The following RANBP17 variants were observed in gnomAD, a reference collection of about 807,000 sequenced individuals.
The protein encoded by RANBP17 is ran-binding protein 17.
In RANBP17, 158 loss-of-function variants were observed where a neutral mutation model predicts 141.2. That is an observed-to-expected ratio of 1.12 (90% CI 0.98 to 1.28). The LOEUF (loss-of-function observed/expected upper bound fraction) is 1.28. RANBP17 is among the 50% of genes most tolerant of loss of function. The pLI, the probability that RANBP17 is intolerant of heterozygous loss-of-function variation, is 0.00. For missense variants in RANBP17, 1,438 were observed against 1,290.7 expected (o/e 1.11, Z -1.75); for synonymous variants, 430 against 450.0 (o/e 0.96, Z 0.56).
At chr5:171,118,821 T>G (rs1755820963) in intron 14 of RANBP17, among the ~76,000 whole-genome samples, 1 of 152,192 alleles carries the variant, frequency 6.6e-6, no homozygotes, top group Non-Finnish European at 1.5e-5. Context: ...AAATGTTTTT[T>G]GGTAGAGTCT....
chr5:171,253,310 A>G (rs1254032523), intron 24 of RANBP17, among the ~76,000 whole-genome samples: 1 of 152,220 alleles, frequency 6.6e-6, no homozygotes, highest in Non-Finnish European at 1.5e-5. Flanking sequence ...AATGCCATGA[A>G]TTCCTTGGGG....
chr5:170,897,539 C>T (rs2127394962), intron 5 of RANBP17, among the ~76,000 whole-genome samples: 1 of 151,978 alleles, frequency 6.6e-6, no homozygotes. Context: ...TAGGTATTTC[C>T]CCTAATGCTA....
intron 24 of RANBP17, among the ~76,000 whole-genome samples, chr5:171,254,648 A>G (rs903665913): frequency 1.3e-5 from 2 of 152,192 alleles, no homozygotes; most frequent in Admixed American, 6.5e-5. Context: ...ATATGTACAT[A>G]ATATATGTAA....
chr5:171,088,540 TAA>T (rs1785897667), intron 14 of RANBP17, among the ~76,000 whole-genome samples: 1 of 152,214 alleles, frequency 6.6e-6, no homozygotes, highest in Non-Finnish European at 1.5e-5. Context: ...TTCTCCTGGA[TAA>T]TATCCTGCAG....
chr5:171,093,116 C>G (rs566729616), intron 14 of RANBP17, among the ~76,000 whole-genome samples: 1 of 151,518 alleles, frequency 6.6e-6, no homozygotes, highest in Admixed American at 6.6e-5. Context: ...AGGCTAAGGC[C>G]GGAGAATTGC....
chr5:171,183,450 C>T lies in RANBP17; in HGVS notation c.2038+20C>T. On this transcript the variant is annotated intron_variant, in intron 18 of 27. Transcript: ENST00000523189. The stretch of plus-strand genomic sequence containing the variant: ...ATCTGGGTAAGGTTAAGAATTTAAA[C>T]TCAATTAATAAGGGATCAGCAATAC... 2.0e-6 allele frequency: 3 copies of T among 1,518,644 alleles called. No individual in the cohort carries two copies. Among genetic ancestry groups the T allele is most frequent in the Non-Finnish European group, 1.8e-6 (2 of 1,093,258 alleles). The allele number at this position is 1,518,644 out of a possible 1,614,324, so 94.1% of individuals were successfully genotyped here. A position where few individuals can be genotyped will look rare whatever the true frequency, so the allele number is the denominator to read the frequency against.
At chr5:171,074,564 T>C (rs918101604) in intron 14 of RANBP17, among the ~76,000 whole-genome samples, 5 of 152,204 alleles carry the variant, frequency 3.3e-5, no homozygotes, top group Non-Finnish European at 7.3e-5. Flanking sequence ...CAATAGAGGA[T>C]ATCTGGGAAC....
chr5:171,168,455 G>A (rs757488023), intron 14 of RANBP17, among the ~76,000 whole-genome samples: 1 of 152,112 alleles, frequency 6.6e-6, no homozygotes, highest in African/African-American at 2.4e-5. Flanking sequence ...TGCTTTGTGT[G>A]CCATTAATCA....
rs779505022 is a variant in RANBP17, at chr5:170,968,285, T to A, written c.1618T>A (p.Cys540Ser). The A allele has an allele frequency of 1.9e-6, 3 of 1,606,870 alleles. No homozygotes were observed. Among genetic ancestry groups the A allele is most frequent in the Non-Finnish European group, 1.7e-6 (2 of 1,177,010 alleles). The stretch of plus-strand genomic sequence containing the variant: ...TTTAATGGATACCGGATTGCCTCGA[T>A]GTTGTAATGAGAAAATAGAGCTTGC... ...ISLMDTGLPR[C>S]CNEKIELAIL... The change falls in exon 14 of 28, where the codon TGT (cysteine) becomes AGT (serine). Residue 540 changes from cysteine to serine, a missense_variant. By Grantham distance (112) the Cys-to-Ser change is moderately radical (BLOSUM62 -1). Transcript: ENST00000523189.
intron 16 of RANBP17, among the ~76,000 whole-genome samples, chr5:171,180,581 A>G (rs1336277466): frequency 1.3e-5 from 2 of 152,228 alleles, no homozygotes; most frequent in Non-Finnish European, 1.5e-5. Flanking sequence ...GAATAAGATC[A>G]GAGTGTAAAG....
At chr5:171,009,764 A>G (rs1269672748) in intron 14 of RANBP17, among the ~76,000 whole-genome samples, 1 of 152,176 alleles carries the variant, frequency 6.6e-6, no homozygotes, top group African/African-American at 2.4e-5. Context: ...AAACACTTGT[A>G]TCAAGTAACC....
chr5:171,258,156 CACA>C (rs200675197), intron 24 of RANBP17, among the ~76,000 whole-genome samples: 14 of 149,514 alleles, frequency 9.4e-5, no homozygotes, highest in East Asian at 3.9e-4. Flanking sequence ...CACACACACA[CACA>C]CCCCTAGGAA....
chr5:171,295,461 G>A lies in RANBP17; in HGVS notation c.3043-426G>A, dbSNP rs558369522. On this transcript the variant is annotated intron_variant, in intron 26 of 27. Coordinates refer to ENST00000523189, the MANE Select transcript of RANBP17 (RefSeq NM_022897.5). Reference sequence around the variant, plus strand: ...TCACTGAAGCCAGGAAAGATGATAAGGCCTGAGGAAAGACCCTTGGCCTTG... The same window carrying A: ...TCACTGAAGCCAGGAAAGATGATAAAGCCTGAGGAAAGACCCTTGGCCTTG... Among the ~76,000 whole-genome samples, 18 of 152,242 alleles carry A rather than the reference G, an allele frequency of 1.2e-4. No homozygotes were observed. In the East Asian group the frequency reaches 3.3e-3, roughly 28 times the overall value.
At chr5:170,901,121 C>T (rs1227193560) in intron 5 of RANBP17, among the ~76,000 whole-genome samples, 1 of 151,996 alleles carries the variant, frequency 6.6e-6, no homozygotes, top group Non-Finnish European at 1.5e-5. Flanking sequence ...TTAAAGTCTC[C>T]CACTATTATT....
intron 24 of RANBP17, chr5:171,252,108 G>A (rs938641931): frequency 1.8e-5 from 28 of 1,596,654 alleles, no homozygotes; most frequent in Non-Finnish European, 2.4e-5. Context: ...AAAAGTTGGA[G>A]TAATACCTCC....
chr5:170,975,584 T>C (rs1342299501), intron 14 of RANBP17, among the ~76,000 whole-genome samples: 5 of 152,118 alleles, frequency 3.3e-5, no homozygotes, highest in Non-Finnish European at 7.4e-5. Context: ...CCTTACAAAT[T>C]CTTTTTTACA....
At chr5:170,999,991 A>G (rs1779089607) in intron 14 of RANBP17, among the ~76,000 whole-genome samples, 1 of 152,196 alleles carries the variant, frequency 6.6e-6, no homozygotes. Flanking sequence ...GTGGAATCAC[A>G]TGGTATTAGT....
At chr5:171,099,226 T>C (rs1786937956) in intron 14 of RANBP17, among the ~76,000 whole-genome samples, 1 of 152,228 alleles carries the variant, frequency 6.6e-6, no homozygotes, top group Non-Finnish European at 1.5e-5. Flanking sequence ...TTTCACAATA[T>C]TGGTTCTTCC....
At chr5:170,965,541 G>T (rs1392953692) in intron 13 of RANBP17, among the ~76,000 whole-genome samples, 2 of 152,046 alleles carry the variant, frequency 1.3e-5, no homozygotes, top group Admixed American at 6.6e-5. Flanking sequence ...GGTCTAACAT[G>T]TAAGTCTTTA....
Sources: gnomAD v4.1 joint callset for allele counts (sites outside exome capture counted in the v4.1 genomes callset) on GRCh38, gnomAD v4.1.1 for gene constraint, MANE v1.5 for transcripts, NCBI Gene and HGNC (gene_info 2026-07-23, HGNC 2026-07-21) for gene names.